BOC: variants seen among roughly 807,000 people sequenced by gnomAD.
The protein encoded by BOC is brother of CDO.
In BOC, 76 loss-of-function variants were observed where a neutral mutation model predicts 112.0. The observed-to-expected ratio is 0.68, with a 90% CI of 0.56 to 0.82. BOC has a LOEUF of 0.82. Among genes scored for constraint, BOC ranks in the 40% least tolerant of loss-of-function variants. The pLI, the probability that BOC is intolerant of heterozygous loss-of-function variation, is 0.00. For missense variants in BOC, 1,309 were observed against 1,511.7 expected, an observed-to-expected ratio of 0.87 and a Z score of 2.22; for synonymous variants, 580 against 599.8, an observed-to-expected ratio of 0.97 and a Z score of 0.48.
At chr3:113,224,320 T>G (rs76603459) in intron 2 of BOC, among the ~76,000 whole-genome samples, 2,584 of 152,224 alleles carry the variant, frequency 0.017, 68 homozygotes, top group African/African-American at 0.058. Context: ...CATAATGAGT[T>G]TGAGAGCATT....
At chr3:113,246,036 AAAAT>A (rs1456222905) in intron 2 of BOC, among the ~76,000 whole-genome samples, 1 of 152,232 alleles carries the variant, frequency 6.6e-6, no homozygotes. Context: ...ATTTTCTCAA[AAAAT>A]AAATACTCTG....
At chr3:113,225,534 G>T (rs1290411579) in intron 2 of BOC, among the ~76,000 whole-genome samples, 1 of 152,204 alleles carries the variant, frequency 6.6e-6, no homozygotes, top group Non-Finnish European at 1.5e-5. Context: ...AGCCTGACCA[G>T]TGACTCACTA....
rs1323392061 is a variant in BOC, at chr3:113,216,217, C to G, written c.-139C>G. ...GAACAAGCTTCCTGGAACCCATGAC[C>G]CATGAAGTCTTGTCGACATTTATAC... On this transcript the variant is annotated 5_prime_UTR_variant, in exon 2 of 20. Coordinates refer to ENST00000682979, the MANE Select transcript of BOC (RefSeq NM_001378074.1). 1 of 456,604 alleles carries G rather than the reference C, an allele frequency of 2.2e-6. No individual in the cohort carries two copies. The highest frequency in any genetic ancestry group is 2.0e-5 in the African/African-American group (1 of 50,178). The allele number at this position is 456,604 out of a possible 1,614,324, so 28.3% of individuals were successfully genotyped here. A position where few individuals can be genotyped will look rare whatever the true frequency, so the allele number is the denominator to read the frequency against.
At chr3:113,239,910 A>C (rs1228152829) in intron 2 of BOC, among the ~76,000 whole-genome samples, 1 of 152,204 alleles carries the variant, frequency 6.6e-6, no homozygotes, top group Non-Finnish European at 1.5e-5. Context: ...GGAAGCTTCC[A>C]CAGGGAGGCT....
rs559887540 is a variant in BOC, at chr3:113,285,085, C to T, written c.2966+227C>T. ...GCATGGCTTGGCATCTCGGAATCCT[C>T]CGTCACTAGACAGATCAGAAGCACC... On this transcript the variant is annotated intron_variant, in intron 18 of 19. Coordinates refer to ENST00000682979, the MANE Select transcript of BOC (RefSeq NM_001378074.1). Among the ~76,000 whole-genome samples the T allele has an allele frequency of 2.6e-4, 40 of 152,404 alleles. No individual in the cohort carries two copies. The South Asian group carries it at 7.9e-3, about 30-fold the overall frequency.
rs1386368793 is a variant in BOC at position 113,278,349 on chromosome 3, A to G, written c.1705+92A>G. 3 of 1,386,588 alleles carry G rather than the reference A, an allele frequency of 2.2e-6. No homozygotes were observed. The highest frequency in any genetic ancestry group is 3.0e-6 in the Non-Finnish European group (3 of 1,000,764). The allele number at this position is 1,386,588 out of a possible 1,614,324, so 85.9% of individuals were successfully genotyped here. A position where few individuals can be genotyped will look rare whatever the true frequency, so the allele number is the denominator to read the frequency against. ...TGAGAATTCCTGCTCACCTTGCCCC[A>G]GCTGTTCACCTTGAACTTCATCTTT... On this transcript the variant is annotated intron_variant, in intron 10 of 19. Coordinates refer to ENST00000682979, the MANE Select transcript of BOC (RefSeq NM_001378074.1). This position sits in a 1 kb window ranked among gnomAD's most constrained non-coding sequence, Gnocchi z 4.2.
At chr3:113,236,920 T>G (rs529586228) in intron 2 of BOC, among the ~76,000 whole-genome samples, 6 of 152,190 alleles carry the variant, frequency 3.9e-5, no homozygotes, top group Non-Finnish European at 8.8e-5. Flanking sequence ...TTTAAATAGC[T>G]CATCAAAGTA....
At chr3:113,215,461 C>T (rs1939176323) in intron 1 of BOC, among the ~76,000 whole-genome samples, 1 of 152,200 alleles carries the variant, frequency 6.6e-6, no homozygotes, top group Admixed American at 6.5e-5. Context: ...TCTATTCCTA[C>T]ATCTCTACTG....
At chr3:113,228,949 T>C (rs2107683555) in intron 2 of BOC, among the ~76,000 whole-genome samples, 1 of 148,024 alleles carries the variant, frequency 6.8e-6, no homozygotes, top group East Asian at 2.0e-4. Flanking sequence ...CATACATGCA[T>C]GATGTATGTG....
chr3:113,226,418 G>A (rs1476739981), intron 2 of BOC, among the ~76,000 whole-genome samples: 1 of 152,146 alleles, frequency 6.6e-6, no homozygotes, highest in Non-Finnish European at 1.5e-5. Flanking sequence ...CATGAGGGTG[G>A]GCTTCTGGTT....
intron 2 of BOC, among the ~76,000 whole-genome samples, chr3:113,231,827 G>C (rs1942657231): frequency 6.6e-6 from 1 of 151,938 alleles, no homozygotes; most frequent in East Asian, 1.9e-4. Flanking sequence ...CAGGAAAAGA[G>C]CTCATCTGTT....
intron 2 of BOC, among the ~76,000 whole-genome samples, chr3:113,235,229 T>G (rs1943264196): frequency 6.6e-6 from 1 of 152,252 alleles, no homozygotes; most frequent in African/African-American, 2.4e-5. Flanking sequence ...GTAGATGCTC[T>G]TATTTCCTTT....
At chr3:113,284,895 C>T (rs775782628) in intron 18 of BOC, 37 bp downstream of exon 18, 4 of 1,581,542 alleles carry the variant, frequency 2.5e-6, no homozygotes, top group Non-Finnish European at 3.5e-6. Context: ...CCAAGCCCCA[C>T]AGCCTCACTT....
intron 19 of BOC, among the ~76,000 whole-genome samples, chr3:113,285,982 C>G (rs574191278): frequency 6.6e-6 from 1 of 152,270 alleles, no homozygotes; most frequent in East Asian, 1.9e-4. Context: ...ATAAGGTTGC[C>G]TCAATCATTA....
In BOC at chr3:113,279,960, C is replaced by A; in HGVS notation, c.2160C>A (p.Thr720=). The change falls in exon 13 of 20, where the codon ACC becomes ACA. Residue 720 remains threonine, a synonymous_variant. Coordinates refer to ENST00000682979, the MANE Select transcript of BOC (RefSeq NM_001378074.1). ...GGCCCGTGGCAGGTCCTTATATCAC[C>A]TTCACGGATGCGGTCAATGAGACCA... ...YERPVAGPYI[T]FTDAVNETTI... is the part of the protein sequence containing the mutation. The A allele has an allele frequency of 1.2e-6, 2 of 1,613,580 alleles. No individual in the cohort carries two copies. The highest frequency in any genetic ancestry group is 8.5e-7 in the Non-Finnish European group (1 of 1,179,778).
chr3:113,278,953 G>T lies in BOC; in HGVS notation c.1816+170G>T. 1.5e-6 allele frequency: 1 copy of T among 678,046 alleles called. No homozygotes were observed. The highest frequency in any genetic ancestry group is 2.5e-6 in the Non-Finnish European group (1 of 403,774). The allele number at this position is 678,046 out of a possible 1,614,324, so 42.0% of individuals were successfully genotyped here. On this transcript the variant is annotated intron_variant, in intron 11 of 19. Coordinates refer to ENST00000682979, the MANE Select transcript of BOC (RefSeq NM_001378074.1). The surrounding 1 kb of genome is among the most constrained non-coding windows in gnomAD (Gnocchi z 4.2). ...TTGGAGCTTTTTAAATAAAAGGCTGGCATTGATGCTGGGATTGCTCACTGG... is the reference window on the plus strand; with the variant it reads ...TTGGAGCTTTTTAAATAAAAGGCTGTCATTGATGCTGGGATTGCTCACTGG...
chr3:113,264,295 G>A (rs1947218177), intron 4 of BOC, among the ~76,000 whole-genome samples: 1 of 152,218 alleles, frequency 6.6e-6, no homozygotes, highest in Non-Finnish European at 1.5e-5. Context: ...CAAAAGAAGG[G>A]TGCGAGGGGA....
At chr3:113,221,470 TC>T (rs1940637527) in intron 2 of BOC, among the ~76,000 whole-genome samples, 1 of 152,190 alleles carries the variant, frequency 6.6e-6, no homozygotes, top group South Asian at 2.1e-4. Flanking sequence ...CCCCATGCCT[TC>T]CCCTCTGCTT....
At chr3:113,260,539 A>G (rs541995002) in intron 4 of BOC, among the ~76,000 whole-genome samples, 2 of 152,304 alleles carry the variant, frequency 1.3e-5, no homozygotes, top group East Asian at 1.9e-4. Flanking sequence ...GTACCGTTCC[A>G]TGGTGGTGCA....
Sources: gnomAD v4.1 joint callset for allele counts (sites outside exome capture counted in the v4.1 genomes callset) on GRCh38, gnomAD v4.1.1 for gene constraint, Gnocchi (gnomAD v3.1) non-coding constraint, MANE v1.5 for transcripts, NCBI Gene and HGNC (gene_info 2026-07-23, HGNC 2026-07-21) for gene names.